The following TRIB3 variants were observed in gnomAD, a reference collection of about 807,000 sequenced individuals.
TRIB3 encodes tribbles homolog 3.
Under a neutral mutation model 16.6 loss-of-function variants are expected in TRIB3, and 20 were observed. That is an observed-to-expected ratio of 1.20 (90% CI 0.85 to 1.75). TRIB3 has a LOEUF of 1.75. Among genes scored for constraint, TRIB3 ranks in the 40% most tolerant of loss-of-function variants. The pLI, the probability that TRIB3 is intolerant of heterozygous loss-of-function variation, is 0.00. For synonymous variants in TRIB3, 208 were observed against 217.0 expected, an observed-to-expected ratio of 0.96 and a Z score of 0.36; for missense variants, 484 against 488.9, an observed-to-expected ratio of 0.99 and a Z score of 0.10.
At position 391,536 on chromosome 20, in the gene TRIB3, C is replaced by T. The variant is rs149447454; in HGVS notation, c.541C>T (p.Arg181Cys). ...CTGTCACCAGCACGGTCTGGTCCTG[C>T]GTGATCTCAAGCTGTGTCGCTTTGT... is the stretch of plus-strand genomic sequence containing the variant. Reference protein sequence around the residue: ...AHCHQHGLVLRDLKLCRFVFA... With the variant: ...AHCHQHGLVLCDLKLCRFVFA... Residue 181 changes from arginine to cysteine, a missense_variant, in exon 3 of 4, where the codon CGT becomes TGT. Transcript: ENST00000217233. The T allele has an allele frequency of 1.1e-3, 1,784 of 1,613,238 alleles. 2 individuals carry two copies. Among genetic ancestry groups the T allele is most frequent in the Non-Finnish European group, 1.4e-3 (1,620 of 1,179,870 alleles).
In TRIB3 at chr20:387,645, C is replaced by T. The variant is rs922416830; in HGVS notation, c.1-366C>T. Reference sequence around the variant, plus strand: ...TCTTAATACATCTTGGAGATCAGTACGCATCAGTATATAGAGAGCTTCCTT... The same window carrying T: ...TCTTAATACATCTTGGAGATCAGTATGCATCAGTATATAGAGAGCTTCCTT... On this transcript the variant is annotated intron_variant, in intron 1 of 3. Coordinates refer to ENST00000217233, the MANE Select transcript of TRIB3 (RefSeq NM_021158.5). 7.9e-5 allele frequency among the ~76,000 whole-genome samples: 12 copies of T among 151,884 alleles called. No individual in the cohort carries two copies. In the South Asian group the frequency reaches 8.3e-4, roughly 11 times the overall value.
chr20:383,424 C>T (rs570522096), intron 1 of TRIB3, among the ~76,000 whole-genome samples: 10 of 152,302 alleles, frequency 6.6e-5, no homozygotes, highest in South Asian at 6.2e-4. Context: ...AAAGCTCACA[C>T]GCTTTTCATC....
At chr20:385,422 T>TCA (rs2014778146) in intron 1 of TRIB3, 3 of 151,712 alleles carry the variant, frequency 2.0e-5, no homozygotes, top group Admixed American at 6.6e-5. Context: ...CTATTTTTTT[T>TCA]TTTTTTTTAA....
At chr20:392,617 C>T (rs994775686) in intron 3 of TRIB3, among the ~76,000 whole-genome samples, 5 of 151,686 alleles carry the variant, frequency 3.3e-5, no homozygotes, top group South Asian at 2.1e-4. Flanking sequence ...AATGCAATGG[C>T]GCGATCTTGG....
chr20:388,341 G>A (rs1422225774), intron 2 of TRIB3, 40 bp downstream of exon 2: 1 of 1,556,824 alleles, frequency 6.4e-7, no homozygotes, highest in African/African-American at 1.4e-5. Flanking sequence ...CACCACAGGA[G>A]GCCTGGGAAG....
intron 1 of TRIB3, chr20:382,436 A>G: frequency 8.2e-7 from 1 of 1,214,158 alleles, no homozygotes; most frequent in East Asian, 2.6e-5. Context: ...TGCACAGGGC[A>G]CAAAGCATGT....
intron 2 of TRIB3, among the ~76,000 whole-genome samples, chr20:389,136 T>C (rs1046915545): frequency 6.6e-6 from 1 of 152,156 alleles, no homozygotes; most frequent in East Asian, 1.9e-4. Flanking sequence ...ACTATGATGA[T>C]TGCTTAGTGT....
In TRIB3 at chr20:396,764, T is replaced by C. The variant is rs1321435934; in HGVS notation, c.*74T>C. 27 of 1,525,038 alleles carry C rather than the reference T, an allele frequency of 1.8e-5. No individual in the cohort carries two copies. The highest frequency in any genetic ancestry group is 2.3e-5 in the Non-Finnish European group (26 of 1,141,220). 94.5% of individuals were successfully genotyped at this position (1,525,038 alleles called of 1,614,324 possible). ...GTAGCTCCAAGCCTTCTCCTGCCTCTGAACTGAGCCAAACCTTCAGTGCCT... is the reference window on the plus strand; with the variant it reads ...GTAGCTCCAAGCCTTCTCCTGCCTCCGAACTGAGCCAAACCTTCAGTGCCT... On this transcript the variant is annotated 3_prime_UTR_variant, in exon 4 of 4. Transcript: ENST00000217233.
At position 391,452 on chromosome 20, in the gene TRIB3, C is replaced by T. The variant is rs45583743; in HGVS notation, c.457C>T (p.Arg153Cys). Reference protein sequence around the residue: ...DMHSLVRSRHRIPEPEAAVLF... With the variant: ...DMHSLVRSRHCIPEPEAAVLF... ...GCACAGCCTGGTGCGAAGCCGCCAC[C>T]GTATCCCTGAGCCTGAGGCTGCCGT... Residue 153 changes from arginine to cysteine, a missense_variant, in exon 3 of 4, where the codon CGT becomes TGT. Coordinates refer to ENST00000217233, the MANE Select transcript of TRIB3 (RefSeq NM_021158.5). The T allele has an allele frequency of 1.2e-4, 191 of 1,613,912 alleles. 1 individual carries two copies. The highest frequency in any genetic ancestry group is 3.3e-4 in the Admixed American group (20 of 60,010).
intron 1 of TRIB3, among the ~76,000 whole-genome samples, chr20:383,629 A>T (rs2014718984): frequency 6.6e-6 from 1 of 152,028 alleles, no homozygotes; most frequent in Admixed American, 6.6e-5. Context: ...TCTTAGGGAC[A>T]GGGTCTCGCT....
chr20:382,590 T>C (rs1313339630), intron 1 of TRIB3: 1 of 1,535,120 alleles, frequency 6.5e-7, no homozygotes, highest in African/African-American at 1.4e-5. Context: ...GGATGAGTGC[T>C]AATAATGACC....
At position 393,089 on chromosome 20, in the gene TRIB3, A is replaced by T. The variant is rs1194753942; in HGVS notation, c.584+1510A>T. On this transcript the variant is annotated intron_variant, in intron 3 of 3. Transcript: ENST00000217233. ...TTTAGAAAACCTACAAAAATAGTTC[A>T]AAGAGTTTCTGCATATCCTTTAACC... Among the ~76,000 whole-genome samples the T allele has an allele frequency of 6.2e-4, 61 of 98,564 alleles. 15 individuals carry two copies. Among genetic ancestry groups the T allele is most frequent in the Middle Eastern group, 5.3e-3 (1 of 188 alleles). 64.7% of individuals were successfully genotyped at this position (98,564 alleles called of 152,430 possible).
chr20:382,130 T>TGC (rs907553634), intron 1 of TRIB3, among the ~76,000 whole-genome samples: 16 of 135,098 alleles, frequency 1.2e-4, no homozygotes, highest in Non-Finnish European at 2.2e-4. Flanking sequence ...TGTGTGTGCG[T>TGC]GCGCGCGCGC....
chr20:393,576 C>T (rs2015038181), intron 3 of TRIB3, among the ~76,000 whole-genome samples: 1 of 152,174 alleles, frequency 6.6e-6, no homozygotes, highest in Non-Finnish European at 1.5e-5. Flanking sequence ...CTCAGCCTCC[C>T]AAAATCCTGG....
At chr20:384,508 CAT>C in intron 1 of TRIB3, among the ~76,000 whole-genome samples, 1 of 152,232 alleles carries the variant, frequency 6.6e-6, no homozygotes, top group African/African-American at 2.4e-5. Flanking sequence ...GGACTACAGG[CAT>C]GCACCACCAT....
In TRIB3 at chr20:391,530, G is replaced by A; in HGVS notation, c.535G>A (p.Val179Ile). Residue 179 changes from valine (V) to isoleucine (I), a missense_variant, in exon 3 of 4, where the codon GTC becomes ATC. Physicochemically the swap from Val to Ile is conservative, Grantham distance 29. Coordinates refer to ENST00000217233, the MANE Select transcript of TRIB3 (RefSeq NM_021158.5). ...GGCGCACTGTCACCAGCACGGTCTG[G>A]TCCTGCGTGATCTCAAGCTGTGTCG... ...ALAHCHQHGLVLRDLKLCRFV... is the reference protein window; with the variant it reads ...ALAHCHQHGLILRDLKLCRFV... 1 of 1,613,406 alleles carries A rather than the reference G, an allele frequency of 6.2e-7. No individual in the cohort carries two copies. The highest frequency in any genetic ancestry group is 8.5e-7 in the Non-Finnish European group (1 of 1,179,958).
intron 3 of TRIB3, 59 bp downstream of exon 3, chr20:391,638 A>G: frequency 6.4e-7 from 1 of 1,552,394 alleles, no homozygotes; most frequent in Non-Finnish European, 8.7e-7. Context: ...GCCATGATGG[A>G]GAGAAACCGA....
In TRIB3 at chr20:396,588, C is replaced by T. The variant is rs1345505828; in HGVS notation, c.975C>T (p.Thr325=). Residue 325 remains threonine (T), a synonymous_variant, in exon 4 of 4, where the codon ACC becomes ACT. Transcript: ENST00000217233. ...AGGACCCGATGCCCTTAGCCCCAAC[C>T]CGATCCCATCTCTGGGAGGCTGCCC... The part of the protein sequence containing the change: ...LRQDPMPLAP[T]RSHLWEAAQV... 6.2e-7 allele frequency: 1 copy of T among 1,613,024 alleles called. No homozygotes were observed. Among genetic ancestry groups the T allele is most frequent in the African/African-American group, 1.3e-5 (1 of 74,954 alleles).
Position 396,438 on chromosome 20 carries a change from C to A in TRIB3, c.825C>A (p.Arg275=). The A allele has an allele frequency of 1.9e-6, 3 of 1,612,828 alleles. No individual in the cohort carries two copies. Among genetic ancestry groups the A allele is most frequent in the Middle Eastern group, 1.7e-4 (1 of 6,060 alleles). ...EPVLLFGKIR[R]GAYALPAGLS... is the part of the protein sequence containing the mutation. ...TCCTGCTCTTCGGCAAGATCCGCCG[C>A]GGGGCCTACGCCTTGCCTGCAGGCC... Residue 275 remains arginine, a synonymous_variant, in exon 4 of 4, where the codon CGC becomes CGA. Transcript: ENST00000217233.
Sources: allele counts gnomAD v4.1 joint callset (sites outside exome capture counted in the v4.1 genomes callset), GRCh38; gene constraint gnomAD v4.1.1; transcripts MANE v1.5; gene names NCBI Gene and HGNC (gene_info 2026-07-23, HGNC 2026-07-21).